Variants in ATP11C observed in about 807,000 individuals in gnomAD.
ATP11C encodes the protein ATPase phospholipid transporting 11C (ATP11C blood group).
In ATP11C, 36 loss-of-function variants were observed where a neutral mutation model predicts 97.4. The observed-to-expected ratio is 0.37, with a 90% CI of 0.28 to 0.49. ATP11C has a LOEUF of 0.49. Among genes scored for constraint, ATP11C ranks in the 20% least tolerant of loss-of-function variants. ATP11C has a pLI of 0.98. For synonymous variants in ATP11C, 275 were observed against 290.9 expected, an observed-to-expected ratio of 0.95 and a Z score of 0.56; for missense variants, 730 against 824.6, an observed-to-expected ratio of 0.89 and a Z score of 1.40.
intron 3 of ATP11C, among the ~76,000 whole-genome samples, 175 bp downstream of exon 3, chrX:139,819,163 T>C (rs908088539): frequency 4.5e-5 from 5 of 112,179 alleles, no homozygotes; most frequent in Non-Finnish European, 9.4e-5. Context: ...AACACAACTT[T>C]AGAAATTTAC....
intron 29 of ATP11C, among the ~76,000 whole-genome samples, chrX:139,730,811 C>T (rs755981281): frequency 9.0e-6 from 1 of 110,508 alleles, no homozygotes; most frequent in South Asian, 3.9e-4. Context: ...TAAAAGACCT[C>T]CAGAGGTCTG....
In ATP11C at chrX:139,909,341, C is replaced by T. The variant is rs189402514; in HGVS notation, c.27+22675G>A. On this transcript the variant is annotated intron_variant, in intron 1 of 29. Transcript: ENST00000682941. ...TAAAGACGGGCTTCATCATGTTGGCCAGGCTGGTCTCAAACTCCTGACCTC... is the reference window on the plus strand; with the variant it reads ...TAAAGACGGGCTTCATCATGTTGGCTAGGCTGGTCTCAAACTCCTGACCTC... Among the ~76,000 whole-genome samples the T allele has an allele frequency of 4.7e-3, 523 of 110,813 alleles. 1 individual carries two copies. The highest frequency in any genetic ancestry group is 0.016 in the African/African-American group (494 of 30,430).
At chrX:139,928,063 C>T (rs1031650174) in intron 1 of ATP11C, among the ~76,000 whole-genome samples, 1 of 112,130 alleles carries the variant, frequency 8.9e-6, no homozygotes, top group Non-Finnish European at 1.9e-5. Context: ...GGTTCCTTCA[C>T]TCCAGCTGCG....
intron 20 of ATP11C, among the ~76,000 whole-genome samples, chrX:139,767,642 CAGAG>C (rs1487478668): frequency 1.8e-5 from 2 of 110,871 alleles, no homozygotes; most frequent in Non-Finnish European, 3.8e-5. Context: ...CAATGGGAGT[CAGAG>C]AAATAGACTT....
chrX:139,807,077 T>C (rs2083060099), intron 5 of ATP11C, among the ~76,000 whole-genome samples: 1 of 111,162 alleles, frequency 9.0e-6, no homozygotes, highest in African/African-American at 3.3e-5. Flanking sequence ...TTGGTGCATA[T>C]GGCCTGCTTA....
intron 2 of ATP11C, among the ~76,000 whole-genome samples, chrX:139,821,008 A>G (rs2083397753): frequency 9.0e-6 from 1 of 111,408 alleles, no homozygotes; most frequent in African/African-American, 3.3e-5. Context: ...ATGTGAGAAC[A>G]TAACCTTTAA....
At chrX:139,857,670 G>T (rs1247686466) in intron 1 of ATP11C, among the ~76,000 whole-genome samples, 1 of 111,210 alleles carries the variant, frequency 9.0e-6, no homozygotes, top group African/African-American at 3.3e-5. Context: ...GTGCGTCAGG[G>T]TAAGAACCCC....
intron 1 of ATP11C, among the ~76,000 whole-genome samples, chrX:139,848,115 C>A (rs1019517867): frequency 8.9e-6 from 1 of 111,742 alleles, no homozygotes; most frequent in Admixed American, 9.5e-5. Context: ...TCTCAGACTT[C>A]TTATCTGTAG....
intron 1 of ATP11C, among the ~76,000 whole-genome samples, chrX:139,874,566 G>A (rs1010995609): frequency 8.9e-6 from 1 of 112,138 alleles, no homozygotes; most frequent in Non-Finnish European, 1.9e-5. Flanking sequence ...GTGGCTAGAT[G>A]CCAAAACTCA....
intron 5 of ATP11C, among the ~76,000 whole-genome samples, chrX:139,809,373 G>A (rs1216669399): frequency 8.9e-6 from 1 of 111,945 alleles, no homozygotes; most frequent in Non-Finnish European, 1.9e-5. Context: ...CTATAACATG[G>A]ATCAACCTTG....
intron 1 of ATP11C, among the ~76,000 whole-genome samples, chrX:139,860,313 GA>G (rs1444077736): frequency 3.6e-5 from 4 of 110,918 alleles, no homozygotes; most frequent in African/African-American, 9.8e-5. Context: ...ACTTACCAAT[GA>G]ATTATTTCCA....
intron 23 of ATP11C, among the ~76,000 whole-genome samples, chrX:139,750,743 T>C (rs2081795607): frequency 9.0e-6 from 1 of 111,474 alleles, no homozygotes; most frequent in Non-Finnish European, 1.9e-5. Context: ...ACTGGAGAAC[T>C]TGGACAATCT....
At position 139,926,403 on chromosome X, in the gene ATP11C, A is replaced by T. The variant is rs192633155; in HGVS notation, c.27+5613T>A. On this transcript the variant is annotated intron_variant, in intron 1 of 29. Coordinates refer to ENST00000682941, the MANE Select transcript of ATP11C (RefSeq NM_001353812.2). ...TGAGCCTTGATTTTTTCCATCACTC[A>T]ACAAACCAGTATTTGATTTCACTCA... is the stretch of plus-strand genomic sequence containing the variant. Among the ~76,000 whole-genome samples, 95 of 112,159 alleles carry T rather than the reference A, an allele frequency of 8.5e-4. 1 individual carries two copies. The highest frequency in any genetic ancestry group is 2.7e-3 in the African/African-American group (84 of 30,892).
intron 27 of ATP11C, among the ~76,000 whole-genome samples, chrX:139,740,327 T>G (rs2081529886): frequency 8.9e-6 from 1 of 111,791 alleles, no homozygotes; most frequent in Non-Finnish European, 1.9e-5. Flanking sequence ...CTGGACTCTA[T>G]TCTCCTTGAG....
At chrX:139,847,702 CA>C (rs775132290) in intron 1 of ATP11C, among the ~76,000 whole-genome samples, 269 of 84,942 alleles carry the variant, frequency 3.2e-3, no homozygotes, top group Middle Eastern at 6.2e-3. Flanking sequence ...GAACCTATCT[CA>C]AAAAAAAAAA....
chrX:139,780,068 C>A (rs1477815671), intron 18 of ATP11C, among the ~76,000 whole-genome samples: 5 of 110,903 alleles, frequency 4.5e-5, no homozygotes, highest in Non-Finnish European at 9.5e-5. Flanking sequence ...ATCTACTAAT[C>A]AAAAAAACCC....
At chrX:139,811,540 C>T (rs928492007) in intron 5 of ATP11C, among the ~76,000 whole-genome samples, 4 of 111,102 alleles carry the variant, frequency 3.6e-5, no homozygotes, top group African/African-American at 1.3e-4. Flanking sequence ...CAGGCCAAAA[C>T]CAGGAAGGCT....
intron 1 of ATP11C, among the ~76,000 whole-genome samples, chrX:139,919,353 C>T (rs552952691): frequency 2.9e-4 from 31 of 107,570 alleles, no homozygotes; most frequent in Middle Eastern, 4.7e-3. Flanking sequence ...ACCTGTAATC[C>T]CAGCTACTCA....
In ATP11C at chrX:139,826,793, G is replaced by A. The variant is rs1390887404; in HGVS notation, c.58C>T (p.Arg20Cys). The change falls in exon 2 of 30, where the codon CGC becomes TGC. Residue 20 changes from arginine to cysteine, a missense_variant. Arg to Cys is a radical substitution (Grantham distance 180, BLOSUM62 -3). Transcript: ENST00000682941. ...GGATGATTGCCAACAAACACTGTGC[G>A]TGTGCCAACTCGTTTCTCTTCTCCA... The part of the protein sequence containing the change: ...CAGEEKRVGT[R>C]TVFVGNHPVS... The A allele has an allele frequency of 1.7e-6, 2 of 1,207,476 alleles. No individual in the cohort carries two copies. Among genetic ancestry groups the A allele is most frequent in the Non-Finnish European group, 1.1e-6 (1 of 892,966 alleles).
Sources: gnomAD v4.1 joint callset for allele counts (sites outside exome capture counted in the v4.1 genomes callset) on GRCh38, gnomAD v4.1.1 for gene constraint, MANE v1.5 for transcripts, NCBI Gene and HGNC (gene_info 2026-07-23, HGNC 2026-07-21) for gene names.